The following KIF26B variants were observed in gnomAD, a reference collection of about 807,000 sequenced individuals.
The protein encoded by KIF26B is kinesin family member 26B.
A neutral mutation model predicts 151.2 loss-of-function variants in KIF26B; 63 were observed. The ratio of observed to expected loss-of-function variants is 0.42; its 90% CI spans 0.34 to 0.51. The LOEUF is 0.51. Ranked by LOEUF, KIF26B falls within the 20% of genes least tolerant of loss-of-function variation. The pLI, the probability that KIF26B is intolerant of heterozygous loss-of-function variation, is 0.07. For missense variants in KIF26B, 2,813 were observed against 2,913.6 expected (o/e 0.97, Z 0.79); for synonymous variants, 1,357 against 1,262.1 (o/e 1.08, Z -1.59).
intron 2 of KIF26B, among the ~76,000 whole-genome samples, chr1:245,261,578 G>T (rs12121172): frequency 0.5 from 69,489 of 137,608 alleles, 17,358 homozygotes; most frequent in African/African-American, 0.65. Context: ...TCTTTCTCTC[G>T]TTCTCTCTTT....
chr1:245,548,863 C>T (rs1318456460), intron 5 of KIF26B, among the ~76,000 whole-genome samples: 1 of 152,062 alleles, frequency 6.6e-6, no homozygotes, highest in East Asian at 1.9e-4. Flanking sequence ...CCTGCCTCAG[C>T]CTCCCGAGTA....
intron 2 of KIF26B, among the ~76,000 whole-genome samples, chr1:245,220,345 C>T (rs941980171): frequency 6.6e-6 from 1 of 152,134 alleles, no homozygotes; most frequent in Admixed American, 6.5e-5. Flanking sequence ...TAAGAATGAT[C>T]ACTGACTCCA....
chr1:245,484,945 G>T (rs1660249633), intron 4 of KIF26B, among the ~76,000 whole-genome samples: 2 of 151,876 alleles, frequency 1.3e-5, no homozygotes, highest in South Asian at 4.2e-4. Flanking sequence ...TTTTCCCAAT[G>T]GAAATAGAAA....
intron 4 of KIF26B, among the ~76,000 whole-genome samples, chr1:245,475,637 G>A (rs1341616302): frequency 1.3e-5 from 2 of 151,798 alleles, no homozygotes; most frequent in Admixed American, 6.6e-5. Flanking sequence ...ATAAGCACAC[G>A]AAAAGATGCT....
intron 2 of KIF26B, among the ~76,000 whole-genome samples, chr1:245,190,629 G>GTTTTTT (rs768099890): frequency 0.016 from 1,265 of 79,688 alleles, 69 homozygotes; most frequent in African/African-American, 0.052. Flanking sequence ...TTCCCTGAAT[G>GTTTTTT]TTTTGTTTTG....
rs989366417 is a variant in KIF26B at position 245,392,601 on chromosome 1, C to A, written c.999+25234C>A. On this transcript the variant is annotated intron_variant, in intron 3 of 14. Coordinates refer to ENST00000407071, the MANE Select transcript of KIF26B (RefSeq NM_018012.4). ...GCTGTTGAAAAGTCTGAATCTGGAT[C>A]ATTTATGTAACACATCTCCCTCTCC... 2.6e-5 allele frequency among the ~76,000 whole-genome samples: 4 copies of A among 152,260 alleles called. 1 individual carries two copies. The East Asian group carries it at 5.8e-4, about 22-fold the overall frequency.
At chr1:245,460,258 G>T (rs866405900) in intron 4 of KIF26B, among the ~76,000 whole-genome samples, 1 of 152,162 alleles carries the variant, frequency 6.6e-6, no homozygotes, top group Non-Finnish European at 1.5e-5. Context: ...GAGCCACCAC[G>T]CCTGGCCCAG....
intron 5 of KIF26B, among the ~76,000 whole-genome samples, chr1:245,581,682 T>TA (rs2043175829): frequency 6.6e-6 from 1 of 152,178 alleles, no homozygotes; most frequent in Non-Finnish European, 1.5e-5. Flanking sequence ...GTGTGGATGC[T>TA]ACGCTGGCTT....
chr1:245,180,003 A>G (rs1668876037), intron 2 of KIF26B, among the ~76,000 whole-genome samples: 1 of 152,204 alleles, frequency 6.6e-6, no homozygotes, highest in African/African-American at 2.4e-5. Flanking sequence ...CACCCCCTGC[A>G]TCCTGATGAA....
intron 2 of KIF26B, among the ~76,000 whole-genome samples, chr1:245,322,385 T>TAATA (rs963397646): frequency 8.5e-5 from 13 of 152,256 alleles, no homozygotes; most frequent in Non-Finnish European, 1.8e-4. Context: ...ACTTACAGTA[T>TAATA]AATAAATAAA....
intron 7 of KIF26B, among the ~76,000 whole-genome samples, chr1:245,608,254 C>T (rs1441390861): frequency 1.3e-5 from 2 of 152,230 alleles, no homozygotes; most frequent in Admixed American, 1.3e-4. Flanking sequence ...AGCCCCCCAA[C>T]AAGGGGTTCA....
At chr1:245,257,399 T>C (rs985653830) in intron 2 of KIF26B, among the ~76,000 whole-genome samples, 1 of 152,232 alleles carries the variant, frequency 6.6e-6, no homozygotes, top group Non-Finnish European at 1.5e-5. Context: ...TCAAACATTT[T>C]ACAGAGTTTG....
intron 4 of KIF26B, among the ~76,000 whole-genome samples, chr1:245,510,679 C>T (rs892353636): frequency 2.3e-4 from 35 of 150,310 alleles, no homozygotes; most frequent in African/African-American, 8.3e-4. Context: ...CCCTCCCTCC[C>T]TCTCTCTCTC....
At chr1:245,624,076 C>T (rs947810605) in intron 9 of KIF26B, among the ~76,000 whole-genome samples, 4 of 152,096 alleles carry the variant, frequency 2.6e-5, no homozygotes, top group South Asian at 2.1e-4. Context: ...CCTGCTCACT[C>T]GCTCTCTCTC....
chr1:245,390,413 T>C (rs1308563083), intron 3 of KIF26B, among the ~76,000 whole-genome samples: 2 of 152,170 alleles, frequency 1.3e-5, no homozygotes, highest in African/African-American at 4.8e-5. Context: ...GACACGGGGT[T>C]TCACCATGTT....
chr1:245,492,748 C>T (rs1660433883), intron 4 of KIF26B, among the ~76,000 whole-genome samples: 1 of 152,146 alleles, frequency 6.6e-6, no homozygotes, highest in African/African-American at 2.4e-5. Flanking sequence ...AACCTTGTTT[C>T]CAGGTCATGT....
At chr1:245,390,943 A>AAAAAAACAAAACAAAAC (rs1553270127) in intron 3 of KIF26B, among the ~76,000 whole-genome samples, 1,382 of 118,284 alleles carry the variant, frequency 0.012, 88 homozygotes, top group African/African-American at 0.033. Context: ...AAAAAAAAAA[A>AAAAAAACAAAACAAAAC]AAAAAAAAAC....
intron 2 of KIF26B, among the ~76,000 whole-genome samples, chr1:245,266,477 C>T (rs1195792207): frequency 6.6e-6 from 1 of 152,052 alleles, no homozygotes; most frequent in Non-Finnish European, 1.5e-5. Context: ...GGATTTGAAT[C>T]CATCTTTTAC....
intron 9 of KIF26B, among the ~76,000 whole-genome samples, chr1:245,632,544 T>C (rs1324244019): frequency 6.6e-6 from 1 of 152,224 alleles, no homozygotes; most frequent in African/African-American, 2.4e-5. Context: ...ATTTGGTCTG[T>C]AGTGCGGATT....
Sources: gnomAD v4.1 joint callset for allele counts (sites outside exome capture counted in the v4.1 genomes callset) on GRCh38, gnomAD v4.1.1 for gene constraint, MANE v1.5 for transcripts, NCBI Gene and HGNC (gene_info 2026-07-23, HGNC 2026-07-21) for gene names.